The following MAGI2 variants were observed in gnomAD, a reference collection of about 807,000 sequenced individuals.
The protein encoded by MAGI2 is membrane associated guanylate kinase, WW and PDZ domain containing 2.
A neutral mutation model predicts 133.3 loss-of-function variants in MAGI2; 35 were observed. The ratio of observed to expected loss-of-function variants is 0.26; its 90% confidence interval spans 0.20 to 0.35. MAGI2 has a LOEUF of 0.35. MAGI2 is among the 10% of genes least tolerant of loss of function. The pLI is 1.00. For missense variants in MAGI2, 1,636 were observed against 1,863.4 expected, an observed-to-expected ratio of 0.88 and a Z score of 2.25; for synonymous variants, 729 against 710.6, an observed-to-expected ratio of 1.03 and a Z score of -0.41.
At chr7:78,033,936 G>T (rs186360557) in intron 21 of MAGI2, among the ~76,000 whole-genome samples, 6 of 152,270 alleles carry the variant, frequency 3.9e-5, no homozygotes, top group Non-Finnish European at 8.8e-5. Flanking sequence ...TTAAGCAGGA[G>T]AGTGATGCTC....
At chr7:78,881,821 C>T (rs1455043920) in intron 2 of MAGI2, among the ~76,000 whole-genome samples, 1 of 151,394 alleles carries the variant, frequency 6.6e-6, no homozygotes, top group Non-Finnish European at 1.5e-5. Context: ...AAGTTTATAG[C>T]CCTAAAGCCT....
At chr7:78,673,944 C>G (rs1335696383) in intron 2 of MAGI2, among the ~76,000 whole-genome samples, 1 of 152,108 alleles carries the variant, frequency 6.6e-6, no homozygotes, top group Non-Finnish European at 1.5e-5. Flanking sequence ...TCACTTTGCT[C>G]TTATTGGACA....
chr7:79,283,858 T>G (rs2129558192), intron 1 of MAGI2, among the ~76,000 whole-genome samples: 1 of 152,230 alleles, frequency 6.6e-6, no homozygotes, highest in South Asian at 2.1e-4. Flanking sequence ...CAGTCAACAA[T>G]GGATCACACA....
intron 1 of MAGI2, among the ~76,000 whole-genome samples, chr7:79,434,184 AG>A (rs1181845946): frequency 3.3e-5 from 5 of 152,174 alleles, no homozygotes; most frequent in Admixed American, 6.5e-5. Flanking sequence ...TAAATTTCTA[AG>A]GGGTCTTTTG....
intron 2 of MAGI2, among the ~76,000 whole-genome samples, chr7:78,708,869 A>G (rs2151170118): frequency 6.6e-6 from 1 of 152,162 alleles, no homozygotes; most frequent in South Asian, 2.1e-4. Flanking sequence ...TCATTTTTTA[A>G]AGTACCTTAT....
chr7:78,945,149 C>A (rs903982868), intron 2 of MAGI2, among the ~76,000 whole-genome samples: 1 of 151,948 alleles, frequency 6.6e-6, no homozygotes, highest in African/African-American at 2.4e-5. Context: ...GCAACCTCCC[C>A]CTCCCCGGTT....
At chr7:78,226,175 G>A (rs1789357559) in intron 10 of MAGI2, among the ~76,000 whole-genome samples, 1 of 152,060 alleles carries the variant, frequency 6.6e-6, no homozygotes, top group Admixed American at 6.5e-5. Context: ...TTTGAGCACT[G>A]GTGACAGGTT....
intron 1 of MAGI2, among the ~76,000 whole-genome samples, chr7:79,362,443 A>T (rs1842428950): frequency 6.6e-6 from 1 of 152,146 alleles, no homozygotes; most frequent in Non-Finnish European, 1.5e-5. Flanking sequence ...ACATTTAAAG[A>T]ATTAACACCA....
chr7:78,818,768 A>G (rs1198582912), intron 2 of MAGI2, among the ~76,000 whole-genome samples: 1 of 152,064 alleles, frequency 6.6e-6, no homozygotes, highest in African/African-American at 2.4e-5. Context: ...CCTTTCTTTC[A>G]ATCAATCTTA....
intron 9 of MAGI2, among the ~76,000 whole-genome samples, chr7:78,317,001 A>C (rs1224738575): frequency 7.1e-6 from 1 of 141,628 alleles, no homozygotes; most frequent in African/African-American, 2.8e-5. Flanking sequence ...GACACTCCTG[A>C]AAGTTCTATA....
At chr7:79,353,072 T>C (rs1292985978) in intron 1 of MAGI2, among the ~76,000 whole-genome samples, 2 of 152,108 alleles carry the variant, frequency 1.3e-5, no homozygotes, top group Non-Finnish European at 2.9e-5. Context: ...TGTGTTCCTC[T>C]GGAAAGGAGC....
chr7:79,167,194 T>C (rs545222383), intron 1 of MAGI2, among the ~76,000 whole-genome samples: 1 of 152,022 alleles, frequency 6.6e-6, no homozygotes, highest in Admixed American at 6.6e-5. Flanking sequence ...TTCAAACTAG[T>C]TTCATGAGAT....
chr7:78,415,549 A>G (rs1798221536), intron 6 of MAGI2, among the ~76,000 whole-genome samples: 1 of 152,106 alleles, frequency 6.6e-6, no homozygotes. Flanking sequence ...GGGAAATATT[A>G]TATAATTTAG....
chr7:78,741,423 ACAC>A (rs1822421243), intron 2 of MAGI2, among the ~76,000 whole-genome samples: 1 of 102,604 alleles, frequency 9.7e-6, no homozygotes. Flanking sequence ...ACACACACAC[ACAC>A]ACGGGAGGGG....
chr7:79,080,247 G>A (rs949552257), intron 1 of MAGI2, among the ~76,000 whole-genome samples: 3 of 151,752 alleles, frequency 2.0e-5, no homozygotes, highest in South Asian at 2.1e-4. Context: ...TTCATTTTTC[G>A]ACAGTCCAAA....
intron 6 of MAGI2, among the ~76,000 whole-genome samples, chr7:78,398,924 A>G (rs1252109770): frequency 6.6e-6 from 1 of 152,106 alleles, no homozygotes; most frequent in Non-Finnish European, 1.5e-5. Flanking sequence ...AACTCCACCC[A>G]GTGCAAATTT....
rs190894802 is a variant in MAGI2 at position 78,457,588 on chromosome 7, G to A, written c.1045+32173C>T. 2.9e-4 allele frequency among the ~76,000 whole-genome samples: 44 copies of A among 152,280 alleles called. No homozygotes were observed. In the East Asian group the frequency reaches 8.1e-3, roughly 28 times the overall value. ...ACATATGACATATTAAAACATGATA[G>A]TCCATGTTCTTTTAATAAAAGTAAT... On this transcript the variant is annotated intron_variant, in intron 6 of 21. Transcript: ENST00000354212.
At chr7:78,781,510 T>C (rs1427165095) in intron 2 of MAGI2, among the ~76,000 whole-genome samples, 1 of 151,034 alleles carries the variant, frequency 6.6e-6, no homozygotes, top group Admixed American at 6.6e-5. Flanking sequence ...ATCTACTAAA[T>C]AAACAAAAAA....
chr7:78,804,227 C>T (rs1350821689), intron 2 of MAGI2, among the ~76,000 whole-genome samples: 1 of 151,982 alleles, frequency 6.6e-6, no homozygotes, highest in Non-Finnish European at 1.5e-5. Context: ...GGAAAAAAGG[C>T]TTCGGCTTTC....
Sources: allele counts gnomAD v4.1 joint callset (sites outside exome capture counted in the v4.1 genomes callset), GRCh38; gene constraint gnomAD v4.1.1; transcripts MANE v1.5; gene names NCBI Gene and HGNC (gene_info 2026-07-23, HGNC 2026-07-21).